The following SMYD3 variants were observed in gnomAD, a reference collection of about 807,000 sequenced individuals.
SMYD3 encodes the protein histone-lysine N-methyltransferase SMYD3.
In SMYD3, 36 loss-of-function variants were observed where a neutral mutation model predicts 57.7. The observed-to-expected ratio is 0.62, with a 90% CI of 0.48 to 0.82. SMYD3 has a LOEUF of 0.82. Ranked by LOEUF, SMYD3 falls within the 40% of genes least tolerant of loss-of-function variation. The pLI is 0.00. For missense variants in SMYD3, 515 were observed against 538.8 expected (o/e 0.96, Z 0.44); for synonymous variants, 211 against 195.0 (o/e 1.08, Z -0.68).
intron 10 of SMYD3, among the ~76,000 whole-genome samples, chr1:245,784,343 C>G (rs776340368): frequency 2.4e-4 from 36 of 152,192 alleles, no homozygotes; most frequent in Non-Finnish European, 4.4e-4. Context: ...AGAAACCACC[C>G]CAAAATGTAG....
At chr1:246,122,176 G>A (rs1333413881) in intron 5 of SMYD3, among the ~76,000 whole-genome samples, 4 of 152,174 alleles carry the variant, frequency 2.6e-5, no homozygotes, top group African/African-American at 9.7e-5. Flanking sequence ...TTGGGAGGCA[G>A]AGGCAGGAGA....
chr1:245,963,039 G>A (rs1003529740), intron 5 of SMYD3, among the ~76,000 whole-genome samples: 1 of 152,040 alleles, frequency 6.6e-6, no homozygotes, highest in African/African-American at 2.4e-5. Flanking sequence ...TCAAAGTCCT[G>A]TTTTTAAAAA....
In SMYD3 at chr1:245,877,320, G is replaced by C. The variant is rs2052542487; in HGVS notation, c.814-13434C>G. The stretch of plus-strand genomic sequence containing the variant: ...ATTAAACGGTTCATCGGGGGAAAGG[G>C]GTGGAGATAAAGGTTTAGATATGAG... On this transcript the variant is annotated intron_variant, in intron 8 of 11. Transcript: ENST00000490107. Among the ~76,000 whole-genome samples the C allele has an allele frequency of 2.0e-5, 3 of 152,228 alleles. No homozygotes were observed. In the South Asian group the frequency reaches 6.2e-4, roughly 32 times the overall value.
chr1:246,224,376 G>A (rs1376346876), intron 5 of SMYD3, among the ~76,000 whole-genome samples: 1 of 152,016 alleles, frequency 6.6e-6, no homozygotes, highest in African/African-American at 2.4e-5. Context: ...GAACTTGGTA[G>A]GTTAAAGGGA....
At chr1:246,411,972 TAATA>T (rs1250706114) in intron 1 of SMYD3, among the ~76,000 whole-genome samples, 3 of 82,614 alleles carry the variant, frequency 3.6e-5, no homozygotes, top group Non-Finnish European at 5.2e-5. Context: ...ACTTAAAGTA[TAATA>T]AAAAAAAAAA....
intron 1 of SMYD3, among the ~76,000 whole-genome samples, chr1:246,371,169 C>A (rs1262913140): frequency 2.0e-5 from 3 of 152,210 alleles, no homozygotes; most frequent in Non-Finnish European, 4.4e-5. Flanking sequence ...CAACACGGTT[C>A]TAAACTCTCC....
intron 10 of SMYD3, among the ~76,000 whole-genome samples, chr1:245,857,853 T>C (rs2885548): frequency 0.56 from 84,254 of 151,742 alleles, 26,544 homozygotes; most frequent in Non-Finnish European, 0.73. Context: ...TTCAATGCTT[T>C]TCTGAGTTAT....
At chr1:245,882,761 A>C (rs1378691992) in intron 8 of SMYD3, among the ~76,000 whole-genome samples, 1 of 152,176 alleles carries the variant, frequency 6.6e-6, no homozygotes, top group Non-Finnish European at 1.5e-5. Context: ...CCTTCTGTTG[A>C]CACAAAACGT....
intron 5 of SMYD3, among the ~76,000 whole-genome samples, chr1:245,963,244 T>A (rs1466744081): frequency 6.6e-6 from 1 of 152,178 alleles, no homozygotes; most frequent in Non-Finnish European, 1.5e-5. Flanking sequence ...TTGCATCTTA[T>A]AAATATACAC....
At chr1:246,268,871 C>T (rs1392261898) in intron 5 of SMYD3, among the ~76,000 whole-genome samples, 3 of 152,080 alleles carry the variant, frequency 2.0e-5, no homozygotes, top group African/African-American at 4.8e-5. Flanking sequence ...AATTCTTTCT[C>T]GCGCCAGATC....
At chr1:246,354,979 T>A in intron 2 of SMYD3, 52 bp downstream of exon 2, 1 of 1,545,250 alleles carries the variant, frequency 6.5e-7, no homozygotes, top group Non-Finnish European at 8.9e-7. Flanking sequence ...AAGGACAAAT[T>A]TAAGAGTAAA....
intron 1 of SMYD3, among the ~76,000 whole-genome samples, chr1:246,470,289 C>T (rs998576375): frequency 4.6e-5 from 7 of 151,640 alleles, no homozygotes; most frequent in African/African-American, 1.7e-4. Context: ...GTCAGGAGTT[C>T]GAGACTAGCC....
At chr1:246,384,887 T>C (rs1303280207) in intron 1 of SMYD3, among the ~76,000 whole-genome samples, 1 of 152,210 alleles carries the variant, frequency 6.6e-6, no homozygotes, top group East Asian at 1.9e-4. Context: ...AGTAGCTGAA[T>C]TGAGCTGATT....
chr1:246,229,713 T>C (rs1446840046), intron 5 of SMYD3, among the ~76,000 whole-genome samples: 1 of 152,154 alleles, frequency 6.6e-6, no homozygotes, highest in Non-Finnish European at 1.5e-5. Flanking sequence ...AATTCACCTT[T>C]TATATTGACA....
chr1:245,827,078 C>T (rs554605790), intron 10 of SMYD3, among the ~76,000 whole-genome samples: 1 of 152,308 alleles, frequency 6.6e-6, no homozygotes, highest in East Asian at 1.9e-4. Context: ...TGAGCACTCA[C>T]ACTGCGCTAA....
chr1:246,040,673 C>T (rs954550266), intron 5 of SMYD3, among the ~76,000 whole-genome samples: 1 of 152,204 alleles, frequency 6.6e-6, no homozygotes, highest in South Asian at 2.1e-4. Flanking sequence ...ACTCATGGGG[C>T]TCCCGTATCT....
At chr1:246,481,607 T>TATATATATATATATATACAC (rs1156393004) in intron 1 of SMYD3, among the ~76,000 whole-genome samples, 3 of 61,954 alleles carry the variant, frequency 4.8e-5, no homozygotes, top group Non-Finnish European at 6.7e-5. Flanking sequence ...TATATATATA[T>TATATATATATATATATACAC]ACACATACAT....
intron 5 of SMYD3, chr1:246,096,430 A>T (rs1356639593): frequency 2.0e-5 from 3 of 152,252 alleles, no homozygotes; most frequent in African/African-American, 7.2e-5. Context: ...GGCAAAAAGT[A>T]TAGCTGAATA....
In SMYD3 at chr1:245,802,799, G is replaced by A. The variant is rs183105224; in HGVS notation, c.1077-38650C>T. ...TGCTCTTCAAGATAATGGAATAATC[G>A]GAAGACAGAACCAGACTGGAAACCT... On this transcript the variant is annotated intron_variant, in intron 10 of 11. Coordinates refer to ENST00000490107, the MANE Select transcript of SMYD3 (RefSeq NM_001167740.2). Among the ~76,000 whole-genome samples, 205 of 152,314 alleles carry A rather than the reference G, an allele frequency of 1.3e-3. 1 individual carries two copies. The highest frequency in any genetic ancestry group is 0.013 in the Admixed American group (192 of 15,300).
Sources: allele counts gnomAD v4.1 joint callset (sites outside exome capture counted in the v4.1 genomes callset), GRCh38; gene constraint gnomAD v4.1.1; transcripts MANE v1.5; gene names NCBI Gene and HGNC (gene_info 2026-07-23, HGNC 2026-07-21).